ANKAR: variants seen among roughly 807,000 people sequenced by gnomAD.
ANKAR encodes ankyrin and armadillo repeat-containing protein.
In ANKAR, 136 loss-of-function variants were observed where a neutral mutation model predicts 146.2. That is an observed-to-expected ratio of 0.93 (90% confidence interval 0.81 to 1.07). The LOEUF is 1.07. Among genes scored for constraint, ANKAR ranks in the 50% least tolerant of loss-of-function variants. The probability of loss-of-function intolerance (pLI) is 0.00; values close to 1 mark genes in which losing one functional copy is unlikely to be tolerated. For missense variants in ANKAR, 1,567 were observed against 1,679.9 expected (o/e 0.93, Z 1.18); for synonymous variants, 500 against 575.8 (o/e 0.87, Z 1.88).
At chr2:189,714,045 G>A (rs2040073522) in intron 10 of ANKAR, among the ~76,000 whole-genome samples, 1 of 152,128 alleles carries the variant, frequency 6.6e-6, no homozygotes, top group African/African-American at 2.4e-5. Context: ...AGGGATCAAT[G>A]CAACAAGAAG....
downstream of ANKAR, among the ~76,000 whole-genome samples, chr2:189,751,297 A>G (rs2045159623): frequency 6.6e-6 from 1 of 152,178 alleles, no homozygotes; most frequent in Admixed American, 6.5e-5. Flanking sequence ...GCATAACTGA[A>G]TCAGAGGATA....
chr2:189,736,597 G>T (rs1419061764), intron 17 of ANKAR, among the ~76,000 whole-genome samples: 8 of 146,602 alleles, frequency 5.5e-5, no homozygotes, highest in African/African-American at 2.0e-4. Flanking sequence ...GTAGCATAAT[G>T]AACCTAAATG....
In ANKAR at chr2:189,738,608, C is replaced by T. The variant is rs2043059836; in HGVS notation, c.3626C>T (p.Thr1209Ile). Residue 1209 changes from threonine to isoleucine, a missense_variant, in exon 19 of 23, where the codon ACT (threonine) becomes ATT (isoleucine). Coordinates refer to ENST00000684021, the MANE Select transcript of ANKAR (RefSeq NM_001378068.1). The stretch of plus-strand genomic sequence containing the variant: ...GTCATTAGAGATATGGACCATATTA[C>T]TTTGTCTGCAAGAGGTGTTACTATT... ...AKVIRDMDHITLSARGVTILV... is the reference protein window; with the variant it reads ...AKVIRDMDHIILSARGVTILV... 1 of 1,612,146 alleles carries T rather than the reference C, an allele frequency of 6.2e-7. No individual in the cohort carries two copies. Among genetic ancestry groups the T allele is most frequent in the African/African-American group, 1.3e-5 (1 of 74,954 alleles).
intron 18 of ANKAR, chr2:189,752,866 A>G (rs1284729588): frequency 1.9e-6 from 3 of 1,613,820 alleles, no homozygotes; most frequent in African/African-American, 2.7e-5. Flanking sequence ...TCATAATGCC[A>G]TTATCAGTGC....
intron 2 of ANKAR, among the ~76,000 whole-genome samples, chr2:189,683,765 T>C (rs1304455015): frequency 6.6e-6 from 1 of 152,224 alleles, no homozygotes; most frequent in Non-Finnish European, 1.5e-5. Flanking sequence ...TGGGAAACTG[T>C]GTTCACACCT....
intron 14 of ANKAR, 98 bp from the exon 15 acceptor site, chr2:189,728,562 C>A: frequency 6.7e-7 from 1 of 1,498,788 alleles, no homozygotes; most frequent in South Asian, 1.3e-5. Context: ...CTCAGCCTCC[C>A]AAGTAGCTGG....
Position 189,755,207 on chromosome 2 carries a change from G to C in ANKAR, c.*585-5891G>C, listed in dbSNP as rs1472939869. The stretch of plus-strand genomic sequence containing the variant: ...CATGTCACCTGGTGCTATGTCCAAA[G>C]ACTTTCCAAGAAGCAGAAAATCTGA... On this transcript the variant is annotated intron_variant and NMD_transcript_variant, in intron 18 of 18. Transcript: ENST00000441800. 5 of 1,611,752 alleles carry C rather than the reference G, an allele frequency of 3.1e-6. No homozygotes were observed. Among genetic ancestry groups the C allele is most frequent in the Non-Finnish European group, 4.2e-6 (5 of 1,179,352 alleles).
Position 189,696,350 on chromosome 2 carries a change from C to A in ANKAR, c.1689C>A (p.Arg563=). The A allele has an allele frequency of 6.2e-7, 1 of 1,613,604 alleles. No homozygotes were observed. The highest frequency in any genetic ancestry group is 8.5e-7 in the Non-Finnish European group (1 of 1,179,876). ...CTAACTTCAAGGTCAACCAGAGGCG[C>A]TTTGTTACGTTCAGCCAAGGTACCA... ...CNANFKVNQR[R]FVTFSQGPTP... is the part of the protein sequence containing the mutation. Residue 563 remains arginine (R), a synonymous_variant, in exon 7 of 23, where the codon CGC becomes CGA. Coordinates refer to ENST00000684021, the MANE Select transcript of ANKAR (RefSeq NM_001378068.1).
chr2:189,740,789 G>A (rs985868365), intron 19 of ANKAR, among the ~76,000 whole-genome samples: 1 of 152,018 alleles, frequency 6.6e-6, no homozygotes, highest in African/African-American at 2.4e-5. Flanking sequence ...TGCCTCCCAG[G>A]TACAAGCGAT....
intron 2 of ANKAR, among the ~76,000 whole-genome samples, chr2:189,688,762 G>A (rs1299360221): frequency 6.6e-6 from 1 of 152,208 alleles, no homozygotes; most frequent in Non-Finnish European, 1.5e-5. Flanking sequence ...TCACTTTGGG[G>A]TGGAGACTTA....
chr2:189,753,102 T>C (rs1398374022), intron 18 of ANKAR: 2 of 820,892 alleles, frequency 2.4e-6, no homozygotes, highest in African/African-American at 3.5e-5. Flanking sequence ...AGATGGGTAA[T>C]GGGCAGATGA....
Position 189,741,426 on chromosome 2 carries a change from A to C in ANKAR, c.3785A>C (p.Tyr1262Ser), listed in dbSNP as rs143926631. Residue 1262 changes from tyrosine to serine, a missense_variant, in exon 20 of 23, where the codon TAT (tyrosine) becomes TCT (serine). Transcript: ENST00000684021. ...TTAGGAACAATCCAACGGCTCTGCT[A>C]TCATTTGTACTCGGGAATAGAAGAG... ...TTLGTIQRLCYHLYSGIEEVR... is the reference protein window; with the variant it reads ...TTLGTIQRLCSHLYSGIEEVR... The C allele has an allele frequency of 9.7e-3, 15,582 of 1,611,186 alleles. 104 individuals carry two copies. Among genetic ancestry groups the C allele is most frequent in the Middle Eastern group, 0.024 (142 of 6,042 alleles).
downstream of ANKAR, chr2:189,750,605 T>C: frequency 6.3e-7 from 1 of 1,592,216 alleles, no homozygotes; most frequent in Middle Eastern, 1.7e-4. Flanking sequence ...ATTGTGGTAC[T>C]TTTATGGAAG....
At chr2:189,748,404 A>C (rs974502940), downstream of ANKAR, among the ~76,000 whole-genome samples, 4 of 152,118 alleles carry the variant, frequency 2.6e-5, no homozygotes, top group African/African-American at 9.7e-5. Context: ...CTAGCTACTC[A>C]GGAAGCTGAG....
chr2:189,703,427 G>A (rs1304835401), intron 7 of ANKAR, among the ~76,000 whole-genome samples: 1 of 152,030 alleles, frequency 6.6e-6, no homozygotes, highest in African/African-American at 2.4e-5. Flanking sequence ...CCAGATTTGT[G>A]GTCTGTACAA....
At chr2:189,727,214 T>C (rs2041971107) in intron 12 of ANKAR, among the ~76,000 whole-genome samples, 1 of 152,142 alleles carries the variant, frequency 6.6e-6, no homozygotes, top group Non-Finnish European at 1.5e-5. Flanking sequence ...GCTATCAAAT[T>C]AGCAAAGTTT....
chr2:189,718,789 C>CCGGACTG (rs1209597705), intron 10 of ANKAR, among the ~76,000 whole-genome samples: 2 of 146,510 alleles, frequency 1.4e-5, no homozygotes, highest in Non-Finnish European at 3.0e-5. Flanking sequence ...GTCGCCCAGG[C>CCGGACTG]CGGACTGCGG....
At position 189,742,957 on chromosome 2, in the gene ANKAR, C is replaced by G. The variant is rs920125825; in HGVS notation, c.3811-318C>G. Among the ~76,000 whole-genome samples the G allele has an allele frequency of 1.4e-3, 205 of 144,430 alleles. 2 individuals carry two copies. Among genetic ancestry groups the G allele is most frequent in the South Asian group, 4.0e-3 (18 of 4,530 alleles). 94.8% of individuals were successfully genotyped at this position (144,430 alleles called of 152,430 possible). On this transcript the variant is annotated intron_variant, in intron 20 of 22. Coordinates refer to ENST00000684021, the MANE Select transcript of ANKAR (RefSeq NM_001378068.1). ...ACACACACACACACACACACACACA[C>G]ACACACACACACACACACACACACC... is the stretch of plus-strand genomic sequence containing the variant.
chr2:189,707,618 T>C (rs2039130953), intron 9 of ANKAR, among the ~76,000 whole-genome samples: 1 of 137,326 alleles, frequency 7.3e-6, no homozygotes, highest in Non-Finnish European at 1.5e-5. Flanking sequence ...ATTTTCTTTC[T>C]TTTTTTTTTT....
Sources: gnomAD v4.1 joint callset for allele counts (sites outside exome capture counted in the v4.1 genomes callset) on GRCh38, gnomAD v4.1.1 for gene constraint, MANE v1.5 for transcripts, NCBI Gene and HGNC (gene_info 2026-07-23, HGNC 2026-07-21) for gene names.